Variants in GRIP1 observed in about 807,000 individuals in gnomAD.
GRIP1 encodes glutamate receptor interacting protein 1.
GRIP1 carries 45 observed loss-of-function variants against 129.9 expected under a neutral mutation model. That is an observed-to-expected ratio of 0.35 (90% CI 0.27 to 0.44). GRIP1 has a LOEUF of 0.44. Ranked by LOEUF, GRIP1 falls within the 20% of genes least tolerant of loss-of-function variation. The probability of loss-of-function intolerance (pLI) is 1.00; values close to 1 mark genes in which losing one functional copy is unlikely to be tolerated. For missense variants in GRIP1, 1,196 were observed against 1,396.8 expected, an observed-to-expected ratio of 0.86 and a Z score of 2.29; for synonymous variants, 530 against 520.8, an observed-to-expected ratio of 1.02 and a Z score of -0.24.
chr12:66,779,126 T>A (rs1592837502), intron 1 of GRIP1, among the ~76,000 whole-genome samples: 1 of 152,290 alleles, frequency 6.6e-6, no homozygotes, highest in Middle Eastern at 3.4e-3. Flanking sequence ...TTTGTTAACA[T>A]ATAATTTCAA....
intron 1 of GRIP1, among the ~76,000 whole-genome samples, chr12:66,661,140 C>T (rs2033477754): frequency 6.6e-6 from 1 of 151,920 alleles, no homozygotes; most frequent in Admixed American, 6.6e-5. Flanking sequence ...TTGAGAAATA[C>T]TTGAAAAAAT....
intron 2 of GRIP1, among the ~76,000 whole-genome samples, chr12:66,583,491 T>A: frequency 8.0e-6 from 1 of 124,364 alleles, no homozygotes; most frequent in Admixed American, 8.4e-5. Flanking sequence ...TGGGAGAAAA[T>A]TTTCGCAACC....
intron 1 of GRIP1, among the ~76,000 whole-genome samples, chr12:67,059,042 T>C (rs1337183188): frequency 6.6e-6 from 1 of 152,206 alleles, no homozygotes; most frequent in East Asian, 1.9e-4. Flanking sequence ...ATGACCCTTA[T>C]CACCTAGCAT....
At chr12:66,791,554 G>A (rs2038537404) in intron 1 of GRIP1, among the ~76,000 whole-genome samples, 1 of 152,168 alleles carries the variant, frequency 6.6e-6, no homozygotes, top group South Asian at 2.1e-4. Context: ...TTGAGCATTG[G>A]CAGGGTTGTA....
intron 1 of GRIP1, among the ~76,000 whole-genome samples, chr12:66,950,048 T>C (rs535340991): frequency 1.3e-5 from 2 of 151,676 alleles, no homozygotes; most frequent in East Asian, 3.9e-4. Context: ...AGTGCTGGGA[T>C]TATAGGCGTG....
chr12:66,460,772 T>G (rs1392710116), intron 9 of GRIP1, among the ~76,000 whole-genome samples: 1 of 152,206 alleles, frequency 6.6e-6, no homozygotes, highest in Non-Finnish European at 1.5e-5. Flanking sequence ...AATCAGAACT[T>G]TCTTGTGGAG....
chr12:66,373,552 A>G (rs1433210693), intron 22 of GRIP1, among the ~76,000 whole-genome samples: 1 of 152,228 alleles, frequency 6.6e-6, no homozygotes, highest in African/African-American at 2.4e-5. Flanking sequence ...AAGATTTCAT[A>G]GTTCCCAAAT....
intron 1 of GRIP1, among the ~76,000 whole-genome samples, chr12:66,915,809 T>C (rs1822646960): frequency 6.6e-6 from 1 of 152,206 alleles, no homozygotes; most frequent in African/African-American, 2.4e-5. Context: ...GACACTGAGT[T>C]AGACATTGGG....
intron 1 of GRIP1, among the ~76,000 whole-genome samples, chr12:66,858,017 A>T (rs547270850): frequency 6.6e-6 from 1 of 152,104 alleles, no homozygotes; most frequent in African/African-American, 2.4e-5. Flanking sequence ...TAGAGGAAAC[A>T]CTGCCTACCT....
At chr12:66,839,000 T>C (rs192368453) in intron 1 of GRIP1, among the ~76,000 whole-genome samples, 5 of 152,262 alleles carry the variant, frequency 3.3e-5, no homozygotes, top group African/African-American at 9.6e-5. Context: ...ACCACAGACT[T>C]GAATGTTTTA....
chr12:66,722,585 T>G (rs894215193), intron 1 of GRIP1, among the ~76,000 whole-genome samples: 1 of 152,182 alleles, frequency 6.6e-6, no homozygotes, highest in Non-Finnish European at 1.5e-5. Context: ...GAACACATGC[T>G]GTTGGAAAAA....
chr12:66,908,285 G>T (rs756673864), intron 1 of GRIP1, among the ~76,000 whole-genome samples: 14 of 152,148 alleles, frequency 9.2e-5, no homozygotes, highest in Non-Finnish European at 1.8e-4. Flanking sequence ...GGCAGAGTGT[G>T]GGTGGCAGGC....
chr12:66,723,629 T>C (rs914063826), intron 1 of GRIP1, among the ~76,000 whole-genome samples: 7 of 151,998 alleles, frequency 4.6e-5, no homozygotes, highest in Non-Finnish European at 1.0e-4. Context: ...TCTTTTTGGC[T>C]TGAGAATGCA....
chr12:66,700,725 TAGCA>T (rs979889292), intron 1 of GRIP1, among the ~76,000 whole-genome samples: 1 of 152,018 alleles, frequency 6.6e-6, no homozygotes, highest in African/African-American at 2.4e-5. Context: ...CTAGTACTGC[TAGCA>T]AGAGATGACA....
Position 67,028,760 on chromosome 12 carries a change from T to C in GRIP1, c.58+40290A>G, listed in dbSNP as rs1056929312. 3.9e-5 allele frequency among the ~76,000 whole-genome samples: 6 copies of C among 152,302 alleles called. No individual in the cohort carries two copies. The South Asian group carries it at 1.2e-3, about 32-fold the overall frequency. The stretch of plus-strand genomic sequence containing the variant: ...CAGGGGAATCCCTGTGGTAACTGTA[T>C]ACTACAGTCCTAGGAAATGTACTTT... On this transcript the variant is annotated intron_variant, in intron 1 of 1. Transcript: ENST00000643019.
chr12:66,944,380 T>C lies in GRIP1; in HGVS notation c.58+124670A>G, dbSNP rs138556857. ...TATCTTTTCAGTGTAAAAGGCTATATGTCCTTTTAAGTAAATGTGACATAT... is the reference window on the plus strand; with the variant it reads ...TATCTTTTCAGTGTAAAAGGCTATACGTCCTTTTAAGTAAATGTGACATAT... On this transcript the variant is annotated intron_variant, in intron 1 of 1. Transcript: ENST00000643019. Among the ~76,000 whole-genome samples, 444 of 152,330 alleles carry C rather than the reference T, an allele frequency of 2.9e-3. 2 individuals are homozygous for C. The highest frequency in any genetic ancestry group is 0.01 in the African/African-American group (416 of 41,576).
At chr12:66,667,013 T>C (rs2033834965) in intron 1 of GRIP1, among the ~76,000 whole-genome samples, 1 of 152,072 alleles carries the variant, frequency 6.6e-6, no homozygotes, top group Admixed American at 6.5e-5. Flanking sequence ...TGGAAGAGGA[T>C]TTGTTTATGT....
chr12:66,675,679 G>A (rs557086667), intron 1 of GRIP1, among the ~76,000 whole-genome samples: 2 of 152,208 alleles, frequency 1.3e-5, no homozygotes, highest in Non-Finnish European at 2.9e-5. Flanking sequence ...CTCACAAAAT[G>A]TTATTTTGGG....
chr12:66,553,022 C>T (rs1309604847), intron 2 of GRIP1, among the ~76,000 whole-genome samples: 1 of 152,176 alleles, frequency 6.6e-6, no homozygotes, highest in African/African-American at 2.4e-5. Flanking sequence ...CTCTCACACC[C>T]TGTATTTGGC....
Sources: gnomAD v4.1 joint callset for allele counts (sites outside exome capture counted in the v4.1 genomes callset) on GRCh38, gnomAD v4.1.1 for gene constraint, MANE v1.5 for transcripts, NCBI Gene and HGNC (gene_info 2026-07-23, HGNC 2026-07-21) for gene names.